Variants in NAV2 observed in about 807,000 individuals in gnomAD.
The protein encoded by NAV2 is neuron navigator 2, also known as helicase, APC down-regulated 1.
NAV2 carries 54 observed loss-of-function variants against 223.2 expected under a neutral mutation model. The ratio of observed to expected loss-of-function variants is 0.24; its 90% CI spans 0.19 to 0.30. The LOEUF is 0.30. Ranked by LOEUF, NAV2 falls within the 10% of genes least tolerant of loss-of-function variation. The probability of loss-of-function intolerance (pLI) is 1.00; values close to 1 mark genes in which losing one functional copy is unlikely to be tolerated. For synonymous variants in NAV2, 1,279 were observed against 1,239.3 expected (o/e 1.03, Z -0.67); for missense variants, 2,806 against 3,147.5 (o/e 0.89, Z 2.60).
intron 1 of NAV2, among the ~76,000 whole-genome samples, chr11:19,760,733 C>T (rs1431780141): frequency 6.6e-6 from 1 of 152,148 alleles, no homozygotes; most frequent in African/African-American, 2.4e-5. Flanking sequence ...CAAATGTTGT[C>T]CCATACACTG....
intron 1 of NAV2, among the ~76,000 whole-genome samples, chr11:19,794,100 A>C (rs539707165): frequency 3.9e-5 from 6 of 152,278 alleles, no homozygotes; most frequent in Admixed American, 2.0e-4. Context: ...ACATGTCTGC[A>C]TTATTTTCTA....
chr11:19,752,959 G>A (rs1032653315), intron 1 of NAV2, among the ~76,000 whole-genome samples: 1 of 152,160 alleles, frequency 6.6e-6, no homozygotes, highest in Non-Finnish European at 1.5e-5. Flanking sequence ...TCATGAGGCT[G>A]AAGCTCCCAT....
At chr11:19,681,141 G>C (rs1827588072) in intron 1 of NAV2, among the ~76,000 whole-genome samples, 1 of 152,220 alleles carries the variant, frequency 6.6e-6, no homozygotes, top group South Asian at 2.1e-4. Flanking sequence ...AGAGCCAGGG[G>C]TTGAACTGAA....
upstream of NAV2, among the ~76,000 whole-genome samples, chr11:19,346,348 G>A (rs1278240795): frequency 6.6e-6 from 1 of 152,188 alleles, no homozygotes; most frequent in Non-Finnish European, 1.5e-5. Context: ...GGTGTAGGTG[G>A]ATCGGATCCG....
At chr11:19,365,292 C>G (rs985511877) in intron 1 of NAV2, among the ~76,000 whole-genome samples, 3 of 152,178 alleles carry the variant, frequency 2.0e-5, no homozygotes, top group Admixed American at 1.3e-4. Flanking sequence ...TTCTCTATCA[C>G]TTTCCTCTTA....
At chr11:19,639,033 G>A (rs929749517) in intron 1 of NAV2, among the ~76,000 whole-genome samples, 1 of 152,122 alleles carries the variant, frequency 6.6e-6, no homozygotes, top group South Asian at 2.1e-4. Context: ...TAGAATATTG[G>A]CTCTTGTGCA....
At chr11:19,681,225 CCTT>C (rs1373731553) in intron 1 of NAV2, among the ~76,000 whole-genome samples, 6 of 152,272 alleles carry the variant, frequency 3.9e-5, no homozygotes, top group African/African-American at 1.2e-4. Context: ...ACCTGGCAGT[CCTT>C]CTTCATATGT....
chr11:19,714,720 G>A (rs1348734198), intron 1 of NAV2, among the ~76,000 whole-genome samples: 1 of 152,182 alleles, frequency 6.6e-6, no homozygotes, highest in Non-Finnish European at 1.5e-5. Context: ...GGGGATGGGA[G>A]ATGGCTTGAA....
intron 1 of NAV2, among the ~76,000 whole-genome samples, chr11:19,802,166 T>A (rs115829861): frequency 1.2e-3 from 188 of 152,284 alleles, no homozygotes; most frequent in African/African-American, 4.3e-3. Context: ...AAAATTCAAT[T>A]CAGTGGGAGG....
At chr11:19,700,740 A>G (rs1271701082) in intron 1 of NAV2, among the ~76,000 whole-genome samples, 1 of 152,200 alleles carries the variant, frequency 6.6e-6, no homozygotes, top group African/African-American at 2.4e-5. Flanking sequence ...GGGGTCTAAG[A>G]TGTCTTACCT....
At chr11:19,397,425 A>ACGCGCG (rs1491394658) in intron 1 of NAV2, among the ~76,000 whole-genome samples, 1 of 141,456 alleles carries the variant, frequency 7.1e-6, no homozygotes, top group African/African-American at 2.6e-5. Context: ...GTGTGCGCGC[A>ACGCGCG]TGTGTGTGTA....
chr11:20,048,675 G>A (rs911979849), intron 14 of NAV2, 53 bp from the exon 15 acceptor site: 21 of 1,474,402 alleles, frequency 1.4e-5, no homozygotes, highest in Middle Eastern at 1.7e-4. Context: ...TTAACAGTCC[G>A]GTGCCCCTTG....
chr11:19,417,818 C>G lies in NAV2; in HGVS notation c.75+66791C>G, dbSNP rs144885608. ...AAAAAGGATGAGTTCATGTCCTTTT[C>G]AGGGACATGGATGAAGCTGGAAACC... On this transcript the variant is annotated intron_variant, in intron 1 of 37. Transcript: ENST00000360655. Among the ~76,000 whole-genome samples, 750 of 152,190 alleles carry G rather than the reference C, an allele frequency of 4.9e-3. 7 individuals carry two copies. Among genetic ancestry groups the G allele is most frequent in the African/African-American group, 0.017 (716 of 41,526 alleles).
At chr11:19,464,808 G>A (rs1277321505) in intron 1 of NAV2, among the ~76,000 whole-genome samples, 1 of 152,214 alleles carries the variant, frequency 6.6e-6, no homozygotes, top group Non-Finnish European at 1.5e-5. Context: ...AAAATGGACT[G>A]CATCCCTACA....
intron 19 of NAV2, 109 bp downstream of exon 19, chr11:20,056,066 C>A (rs1339544195): frequency 2.2e-5 from 22 of 998,038 alleles, no homozygotes; most frequent in Non-Finnish European, 2.9e-5. Flanking sequence ...TGAGAGCCCA[C>A]CTATAAGTGC....
intron 1 of NAV2, among the ~76,000 whole-genome samples, chr11:19,456,549 G>A (rs1482273120): frequency 6.6e-6 from 1 of 152,158 alleles, no homozygotes; most frequent in African/African-American, 2.4e-5. Flanking sequence ...AGAGGCAGCT[G>A]TTTACAGCTG....
At chr11:19,837,059 A>G (rs1565403143) in intron 2 of NAV2, among the ~76,000 whole-genome samples, 1 of 152,226 alleles carries the variant, frequency 6.6e-6, no homozygotes, top group Non-Finnish European at 1.5e-5. Context: ...GGGAGGACAC[A>G]AACATTCAGA....
At chr11:20,072,403 T>A (rs1028196121) in intron 22 of NAV2, among the ~76,000 whole-genome samples, 27 of 152,220 alleles carry the variant, frequency 1.8e-4, no homozygotes, top group Non-Finnish European at 3.5e-4. Context: ...CTTAAGATTG[T>A]CTTGGCTAGG....
At chr11:20,008,869 A>G (rs1265796024) in intron 11 of NAV2, among the ~76,000 whole-genome samples, 1 of 151,876 alleles carries the variant, frequency 6.6e-6, no homozygotes, top group Non-Finnish European at 1.5e-5. Flanking sequence ...AACATTTTTT[A>G]TTACTTTAAA....
Sources: allele counts gnomAD v4.1 joint callset (sites outside exome capture counted in the v4.1 genomes callset), GRCh38; gene constraint gnomAD v4.1.1; transcripts MANE v1.5; gene names NCBI Gene and HGNC (gene_info 2026-07-23, HGNC 2026-07-21).